UBAP2: variants seen among roughly 807,000 people sequenced by gnomAD.
UBAP2 encodes the protein ubiquitin associated protein 2, also known as ubiquitin-associated protein 2.
In UBAP2, 75 loss-of-function variants were observed where a neutral mutation model predicts 139.6. The observed-to-expected ratio is 0.54, with a 90% CI of 0.45 to 0.65. The LOEUF (loss-of-function observed/expected upper bound fraction) is 0.65. Among genes scored for constraint, UBAP2 ranks in the 30% least tolerant of loss-of-function variants. The pLI is 0.00. For synonymous variants in UBAP2, 526 were observed against 526.2 expected (o/e 1.00, Z 0.01); for missense variants, 1,368 against 1,369.6 (o/e 1.00, Z 0.02).
At position 33,993,004 on chromosome 9, in the gene UBAP2, T is replaced by C. The variant is rs188329516; in HGVS notation, c.288+3219A>G. Among the ~76,000 whole-genome samples the C allele has an allele frequency of 2.5e-3, 375 of 152,290 alleles. 2 individuals are homozygous for C. In the South Asian group the frequency reaches 0.033, roughly 13 times the overall value. Reference sequence around the variant, plus strand: ...CCAAAAACTACCAACACAAACAACTTACTAAAAAGAGTTAAGTACATTAAT... The same window carrying C: ...CCAAAAACTACCAACACAAACAACTCACTAAAAAGAGTTAAGTACATTAAT... On this transcript the variant is annotated intron_variant, in intron 4 of 28. Coordinates refer to ENST00000379238, the MANE Select transcript of UBAP2 (RefSeq NM_001370062.2).
At chr9:33,978,174 T>C (rs1748610109) in intron 6 of UBAP2, among the ~76,000 whole-genome samples, 1 of 129,180 alleles carries the variant, frequency 7.7e-6, no homozygotes, top group South Asian at 2.3e-4. Flanking sequence ...AATCAGCATT[T>C]TATTAAATGC....
chr9:34,028,209 G>A (rs776182355), intron 1 of UBAP2, among the ~76,000 whole-genome samples: 2 of 151,872 alleles, frequency 1.3e-5, no homozygotes, highest in African/African-American at 2.4e-5. Context: ...ATGAGTGCTG[G>A]TGAACTCAAA....
rs922504357 is a variant in UBAP2, at chr9:33,947,135, C to A, written c.1270+1239G>T. Among the ~76,000 whole-genome samples, 15 of 152,200 alleles carry A rather than the reference C, an allele frequency of 9.9e-5. 1 individual carries two copies. The highest frequency in any genetic ancestry group is 3.6e-4 in the African/African-American group (15 of 41,454). ...AGGGTACCTACATTTCTTGCCCCAGCAAAAACTTTGGGCACTGAGTCTCTA... is the reference window on the plus strand; with the variant it reads ...AGGGTACCTACATTTCTTGCCCCAGAAAAAACTTTGGGCACTGAGTCTCTA... On this transcript the variant is annotated intron_variant, in intron 13 of 28. Coordinates refer to ENST00000379238, the MANE Select transcript of UBAP2 (RefSeq NM_001370062.2).
chr9:33,922,830 G>A lies in UBAP2; in HGVS notation c.3121C>T (p.Leu1041=). ...CCAGTGGAGCCCAAGACCGAGGGCA[G>A]GCTGAAAGGTGGAGGCGTCCCTGCA... ...FHAGTPPPFS[L]PSVLGSTGPL... Residue 1041 remains leucine, a synonymous_variant, in exon 28 of 29, where the codon CTG becomes TTG. Transcript: ENST00000379238. 3 of 1,576,474 alleles carry A rather than the reference G, an allele frequency of 1.9e-6. No homozygotes were observed. The highest frequency in any genetic ancestry group is 2.2e-5 in the East Asian group (1 of 44,548).
intron 14 of UBAP2, 89 bp from the exon 15 acceptor site, chr9:33,943,678 TC>T: frequency 8.1e-7 from 1 of 1,234,682 alleles, no homozygotes; most frequent in Non-Finnish European, 1.1e-6. Flanking sequence ...GCATTTAGGT[TC>T]CCAGGCAATA....
At position 34,008,519 on chromosome 9, in the gene UBAP2, G is replaced by A. The variant is rs915088283; in HGVS notation, c.99+8531C>T. On this transcript the variant is annotated intron_variant, in intron 2 of 28. Coordinates refer to ENST00000379238, the MANE Select transcript of UBAP2 (RefSeq NM_001370062.2). Reference sequence around the variant, plus strand: ...AGCACTTTGGGAGGCTGAGGCAGACGGATCACCTGAGGTCAGGAGTTCCAG... The same window carrying A: ...AGCACTTTGGGAGGCTGAGGCAGACAGATCACCTGAGGTCAGGAGTTCCAG... Among the ~76,000 whole-genome samples the A allele has an allele frequency of 1.3e-5, 2 of 152,020 alleles. 1 individual carries two copies. Among genetic ancestry groups the A allele is most frequent in the Non-Finnish European group, 2.9e-5 (2 of 68,016 alleles).
At chr9:33,942,237 G>A (rs1341477363) in intron 15 of UBAP2, among the ~76,000 whole-genome samples, 1 of 152,112 alleles carries the variant, frequency 6.6e-6, no homozygotes, top group African/African-American at 2.4e-5. Flanking sequence ...ACTTGAACTC[G>A]GGAGGCAGAG....
chr9:33,932,580 G>A lies in UBAP2; in HGVS notation c.2157C>T (p.Ser719=), dbSNP rs1234974691. 1 of 1,613,928 alleles carries A rather than the reference G, an allele frequency of 6.2e-7. No individual in the cohort carries two copies. Among genetic ancestry groups the A allele is most frequent in the South Asian group, 1.1e-5 (1 of 91,082 alleles). Residue 719 remains serine (S), a synonymous_variant, in exon 19 of 29, where the codon TCC becomes TCT. Transcript: ENST00000379238. ...CACTTACTGTGTGTGACGTGCTCGA[G>A]GAGAGGGCTGCATGTGCAGAGAGGC... The part of the protein sequence containing the change: ...QSSLSAHAAL[S]SSTSHTHASV...
Position 33,986,784 on chromosome 9 carries a change from G to T in UBAP2, c.496C>A (p.Arg166Ser). 6.2e-7 allele frequency: 1 copy of T among 1,613,976 alleles called. No homozygotes were observed. Among genetic ancestry groups the T allele is most frequent in the Non-Finnish European group, 8.5e-7 (1 of 1,179,986 alleles). Residue 166 changes from arginine to serine, a missense_variant, in exon 6 of 29, where the codon CGT becomes AGT. Arg to Ser is a moderately radical substitution (Grantham distance 110). Coordinates refer to ENST00000379238, the MANE Select transcript of UBAP2 (RefSeq NM_001370062.2). ...DCNQVDKPSD[R>S]GKRARGRGFG... ...CCTCTACCCCGGGCTCGCTTGCCAC[G>T]ATCTGAAGGTTTGTCCACTTGATTG...
intron 1 of UBAP2, among the ~76,000 whole-genome samples, chr9:34,023,230 A>AG (rs1825116841): frequency 6.6e-6 from 1 of 152,096 alleles, no homozygotes; most frequent in African/African-American, 2.4e-5. Context: ...AAAAAAAAAA[A>AG]AAAAGAAAGA....
intron 6 of UBAP2, among the ~76,000 whole-genome samples, chr9:33,979,161 G>C (rs1441276174): frequency 1.3e-5 from 2 of 152,212 alleles, no homozygotes; most frequent in South Asian, 2.1e-4. Context: ...TTGCTTGAAC[G>C]TAAGAGTTGG....
rs201283769 is a variant in UBAP2 at position 33,944,447 on chromosome 9, A to G, written c.1463T>C (p.Ile488Thr). 1.4e-4 allele frequency: 233 copies of G among 1,614,106 alleles called. 1 individual carries two copies. Among genetic ancestry groups the G allele is most frequent in the East Asian group, 9.8e-4 (44 of 44,874 alleles). The change falls in exon 14 of 29, where the codon ATT (isoleucine) becomes ACT (threonine). Residue 488 changes from isoleucine (I) to threonine (T), a missense_variant. Physicochemically the swap from Ile to Thr is moderately conservative, Grantham distance 89. Coordinates refer to ENST00000379238, the MANE Select transcript of UBAP2 (RefSeq NM_001370062.2). ...GTGGACAGACACAGAGATATTTTCA[A>G]TGGTCGTGCTGGGAAGCTGCAAAAG... ...NKLLQLPSTTIENISVSVHQP... is the reference protein window; with the variant it reads ...NKLLQLPSTTTENISVSVHQP...
chr9:33,976,353 T>C (rs1564040556), intron 6 of UBAP2, among the ~76,000 whole-genome samples: 3 of 152,206 alleles, frequency 2.0e-5, no homozygotes, highest in Admixed American at 2.0e-4. Context: ...TGGATGAATG[T>C]TTAAAACATT....
Position 33,923,076 on chromosome 9 carries a change from C to G in UBAP2, c.3005-43G>C, listed in dbSNP as rs777869767. On this transcript the variant is annotated intron_variant, in intron 26 of 28. Coordinates refer to ENST00000379238, the MANE Select transcript of UBAP2 (RefSeq NM_001370062.2). The stretch of plus-strand genomic sequence containing the variant: ...TGTTCCCCACAGCAGTTGTTCCCAG[C>G]TCCAGGCTCCCCACCTCCAGGATCA... The G allele has an allele frequency of 6.2e-6, 10 of 1,613,648 alleles. No homozygotes were observed. The South Asian group carries it at 8.8e-5, about 14-fold the overall frequency.
At chr9:33,940,033 G>T (rs1825067001) in intron 16 of UBAP2, among the ~76,000 whole-genome samples, 1 of 148,324 alleles carries the variant, frequency 6.7e-6, no homozygotes, top group Non-Finnish European at 1.5e-5. Flanking sequence ...AGAGGAGGGA[G>T]AGGGAAGAGA....
At chr9:33,930,679 C>T (rs552554081) in intron 19 of UBAP2, among the ~76,000 whole-genome samples, 1 of 151,902 alleles carries the variant, frequency 6.6e-6, no homozygotes, top group South Asian at 2.1e-4. Context: ...GGGTGGATTA[C>T]GAGGTCAGGA....
chr9:33,975,445 C>A (rs66880115), intron 6 of UBAP2, among the ~76,000 whole-genome samples: 50,748 of 132,324 alleles, frequency 0.38, 9,446 homozygotes, highest in South Asian at 0.48. Context: ...AAAAAAAAAA[C>A]AAAAAAAAAA....
At chr9:34,026,079 A>G (rs1224520971) in intron 1 of UBAP2, among the ~76,000 whole-genome samples, 1 of 152,230 alleles carries the variant, frequency 6.6e-6, no homozygotes, top group Non-Finnish European at 1.5e-5. Flanking sequence ...AACTTTTCTA[A>G]AAACCATGTA....
chr9:34,040,784 A>G (rs1292666650), intron 1 of UBAP2, among the ~76,000 whole-genome samples: 2 of 152,208 alleles, frequency 1.3e-5, no homozygotes, highest in African/African-American at 2.4e-5. Flanking sequence ...CTCTGTGTAT[A>G]AGCTGAACTT....
Sources: allele counts gnomAD v4.1 joint callset (sites outside exome capture counted in the v4.1 genomes callset), GRCh38; gene constraint gnomAD v4.1.1; transcripts MANE v1.5; gene names NCBI Gene and HGNC (gene_info 2026-07-23, HGNC 2026-07-21).